DNAJC27: variants seen among roughly 807,000 people sequenced by gnomAD.
DNAJC27 encodes the protein DnaJ heat shock protein family (Hsp40) member C27.
In DNAJC27, 25 loss-of-function variants were observed where a neutral mutation model predicts 31.4. That is an observed-to-expected ratio of 0.80 (90% CI 0.58 to 1.11). DNAJC27 has a LOEUF of 1.11. Ranked by LOEUF, DNAJC27 falls within the 50% of genes most tolerant of loss-of-function variation. The pLI is 0.00. For synonymous variants in DNAJC27, 106 were observed against 112.7 expected, an observed-to-expected ratio of 0.94 and a Z score of 0.37; for missense variants, 356 against 347.3, an observed-to-expected ratio of 1.02 and a Z score of -0.20.
chr2:24,955,496 G>T (rs1470855972), intron 5 of DNAJC27, among the ~76,000 whole-genome samples: 2 of 152,190 alleles, frequency 1.3e-5, no homozygotes, highest in African/African-American at 4.8e-5. Flanking sequence ...AAACTCTGAA[G>T]AAATAATAGT....
rs1175493531 is a variant in DNAJC27 at position 24,943,658 on chromosome 2, A to G, written c.*3958T>C. ...AGACCGGTGTTTGATACTTGGCTTT[A>G]CTTTATAAAAATACACAACTTAAAT... On this transcript the variant is annotated 3_prime_UTR_variant, in exon 7 of 7. Coordinates refer to ENST00000264711, the MANE Select transcript of DNAJC27 (RefSeq NM_016544.3). 1 of 152,670 alleles carries G rather than the reference A, an allele frequency of 6.6e-6. No homozygotes were observed. The highest frequency in any genetic ancestry group is 6.5e-5 in the Admixed American group (1 of 15,286). The allele number at this position is 152,670 out of a possible 1,614,324, so 9.5% of individuals were successfully genotyped here. A position where few individuals can be genotyped will look rare whatever the true frequency, so the allele number is the denominator to read the frequency against.
intron 6 of DNAJC27, among the ~76,000 whole-genome samples, chr2:24,949,994 G>C (rs1319824486): frequency 7.2e-6 from 1 of 139,498 alleles, no homozygotes; most frequent in African/African-American, 2.7e-5. Context: ...AATTACAACA[G>C]ATCCTTAATA....
intron 3 of DNAJC27, among the ~76,000 whole-genome samples, chr2:24,961,140 T>C (rs1666029758): frequency 6.6e-6 from 1 of 152,228 alleles, no homozygotes; most frequent in African/African-American, 2.4e-5. Flanking sequence ...GATGCTCATT[T>C]GCCATAATGA....
At chr2:24,953,717 C>T (rs1317427764) in intron 5 of DNAJC27, 1 of 168,496 alleles carries the variant, frequency 5.9e-6, no homozygotes, top group Non-Finnish European at 1.2e-5. Flanking sequence ...GTCTTCTAGC[C>T]TACGAGTTAA....
intron 1 of DNAJC27, 160 bp downstream of exon 1, chr2:24,971,658 G>C (rs1055526225): frequency 1.8e-6 from 1 of 554,432 alleles, no homozygotes; most frequent in Admixed American, 3.6e-5. Flanking sequence ...AAAAGGTCGG[G>C]GAGTTTCGTT....
intron 1 of DNAJC27, among the ~76,000 whole-genome samples, chr2:24,968,443 A>G (rs1417102160): frequency 6.6e-6 from 1 of 151,994 alleles, no homozygotes; most frequent in East Asian, 1.9e-4. Flanking sequence ...GCAAAATAAT[A>G]AGTTTTTTTA....
chr2:24,950,861 A>T (rs1971123), intron 6 of DNAJC27, among the ~76,000 whole-genome samples: 19,943 of 147,168 alleles, frequency 0.14, 3,053 homozygotes, highest in African/African-American at 0.38. Flanking sequence ...AATAAAAATA[A>T]AAAAAAAAAA....
At chr2:24,963,606 A>G in intron 2 of DNAJC27, 132 bp from the exon 3 acceptor site, 2 of 639,080 alleles carry the variant, frequency 3.1e-6, no homozygotes, top group Non-Finnish European at 5.2e-6. Flanking sequence ...TCCTCATTCC[A>G]GATCATCTTT....
chr2:24,953,926 A>G (rs1441608222), intron 5 of DNAJC27, among the ~76,000 whole-genome samples: 2 of 152,178 alleles, frequency 1.3e-5, no homozygotes, highest in Non-Finnish European at 2.9e-5. Flanking sequence ...CTACTATCGA[A>G]CTGGAAAAAA....
rs1004476004 is a variant in DNAJC27, at chr2:24,944,325, T to C, written c.*3291A>G. On this transcript the variant is annotated 3_prime_UTR_variant, in exon 7 of 7. Transcript: ENST00000264711. ...AAATCCCTCCCTTCCCCTTGTGATG[T>C]TGTCATTGTTCAATGGGGCACAGCT... 3.3e-5 allele frequency: 5 copies of C among 151,606 alleles called. No individual in the cohort carries two copies. The highest frequency in any genetic ancestry group is 1.3e-4 in the Admixed American group (2 of 15,206). 9.4% of individuals were successfully genotyped at this position (151,606 alleles called of 1,614,324 possible). A position where few individuals can be genotyped will look rare whatever the true frequency, so the allele number is the denominator to read the frequency against.
intron 6 of DNAJC27, among the ~76,000 whole-genome samples, chr2:24,950,096 GAAA>G (rs765039220): frequency 7.6e-6 from 1 of 132,082 alleles, no homozygotes; most frequent in Admixed American, 7.7e-5. Flanking sequence ...GTATAGCACT[GAAA>G]AAAAAAAAAA....
chr2:24,968,453 A>T (rs1336940442), intron 1 of DNAJC27, among the ~76,000 whole-genome samples: 1 of 151,986 alleles, frequency 6.6e-6, no homozygotes, highest in African/African-American at 2.4e-5. Flanking sequence ...AAGTTTTTTT[A>T]AAAGTTACAC....
chr2:24,961,281 C>A (rs867663220), intron 3 of DNAJC27, among the ~76,000 whole-genome samples: 3 of 152,138 alleles, frequency 2.0e-5, no homozygotes, highest in African/African-American at 7.2e-5. Context: ...ACTACTGAGA[C>A]CTACTACTCA....
At chr2:24,947,845 A>G (rs1306327608) in intron 6 of DNAJC27, 97 bp from the exon 7 acceptor site, 2 of 1,349,760 alleles carry the variant, frequency 1.5e-6, no homozygotes, top group African/African-American at 1.4e-5. Context: ...TACAGTGAAC[A>G]TATCCTAAAT....
At chr2:24,951,919 G>A (rs930348101) in intron 5 of DNAJC27, among the ~76,000 whole-genome samples, 1 of 151,954 alleles carries the variant, frequency 6.6e-6, no homozygotes, top group African/African-American at 2.4e-5. Context: ...GACCAGCCTG[G>A]GCAACATGGC....
At chr2:24,967,429 G>C (rs189370994) in intron 1 of DNAJC27, 136 bp from the exon 2 acceptor site, 1 of 678,046 alleles carries the variant, frequency 1.5e-6, no homozygotes, top group Non-Finnish European at 2.5e-6. Context: ...GGCGGGGCGC[G>C]GTGGCTCACG....
At position 24,947,716 on chromosome 2, in the gene DNAJC27, G is replaced by A; in HGVS notation, c.722C>T (p.Ala241Val). 1 of 1,613,632 alleles carries A rather than the reference G, an allele frequency of 6.2e-7. No individual in the cohort carries two copies. Among genetic ancestry groups the A allele is most frequent in the Non-Finnish European group, 8.5e-7 (1 of 1,179,554 alleles). The change falls in exon 7 of 7, where the codon GCT becomes GTT. Residue 241 changes from alanine (A) to valine (V), a missense_variant. Physicochemically the swap from Ala to Val is moderately conservative, Grantham distance 64. Transcript: ENST00000264711. Reference sequence around the variant, plus strand: ...ACATTTGTCAGGGTGAAGAAGCACAGCAAGTTTCCGATACGCTTTATTGAC... The same window carrying A: ...ACATTTGTCAGGGTGAAGAAGCACAACAAGTTTCCGATACGCTTTATTGAC... Reference protein sequence around the residue: ...DEVNKAYRKLAVLLHPDKCVA... With the variant: ...DEVNKAYRKLVVLLHPDKCVA...
Position 24,945,210 on chromosome 2 carries a change from T to C in DNAJC27, c.*2406A>G, listed in dbSNP as rs1330296014. The C allele has an allele frequency of 6.6e-6, 1 of 152,244 alleles. No individual in the cohort carries two copies. The highest frequency in any genetic ancestry group is 2.4e-5 in the African/African-American group (1 of 41,462). 9.4% of individuals were successfully genotyped at this position (152,244 alleles called of 1,614,324 possible). A position where few individuals can be genotyped will look rare whatever the true frequency, so the allele number is the denominator to read the frequency against. On this transcript the variant is annotated 3_prime_UTR_variant, in exon 7 of 7. Transcript: ENST00000264711. ...AGGATTATAGAAATCAGAAAAATTC[T>C]AGGACCCTGAAGCTTAACTTGCTTA...
At chr2:24,949,717 A>G (rs1665721908) in intron 6 of DNAJC27, among the ~76,000 whole-genome samples, 1 of 152,196 alleles carries the variant, frequency 6.6e-6, no homozygotes, top group South Asian at 2.1e-4. Flanking sequence ...ATTTCAATTA[A>G]CCAAAGTGAA....
Sources: allele counts gnomAD v4.1 joint callset (sites outside exome capture counted in the v4.1 genomes callset), GRCh38; gene constraint gnomAD v4.1.1; transcripts MANE v1.5; gene names NCBI Gene and HGNC (gene_info 2026-07-23, HGNC 2026-07-21).